Variants in RASGEF1A observed in about 807,000 individuals in gnomAD.
The protein encoded by RASGEF1A is ras-GEF domain-containing family member 1A.
In RASGEF1A, 18 loss-of-function variants were observed where a neutral mutation model predicts 56.4. The ratio of observed to expected loss-of-function variants is 0.32; its 90% CI spans 0.22 to 0.47. The LOEUF is 0.47. Among genes scored for constraint, RASGEF1A ranks in the 20% least tolerant of loss-of-function variants. RASGEF1A has a pLI of 1.00. For missense variants in RASGEF1A, 422 were observed against 627.1 expected (o/e 0.67, Z 3.49); for synonymous variants, 245 against 242.6 (o/e 1.01, Z -0.09).
intron 1 of RASGEF1A, among the ~76,000 whole-genome samples, chr10:43,230,578 G>C (rs545791935): frequency 2.6e-5 from 4 of 152,128 alleles, no homozygotes; most frequent in African/African-American, 9.6e-5. Flanking sequence ...CTCTGGGGGA[G>C]TCCGAGTTGG....
intron 1 of RASGEF1A, among the ~76,000 whole-genome samples, chr10:43,258,499 C>A (rs1836465803): frequency 6.6e-6 from 1 of 152,246 alleles, no homozygotes; most frequent in African/African-American, 2.4e-5. Flanking sequence ...CTGCGCTTGA[C>A]ACCAGAGGAC....
intron 1 of RASGEF1A, 53 bp from the exon 2 acceptor site, chr10:43,206,175 C>G: frequency 1.4e-6 from 2 of 1,434,920 alleles, no homozygotes; most frequent in Admixed American, 2.0e-5. Context: ...CACAGCTCCA[C>G]AGACCCTCCT....
At chr10:43,265,861 G>A (rs892941080) in intron 1 of RASGEF1A, among the ~76,000 whole-genome samples, 2 of 152,230 alleles carry the variant, frequency 1.3e-5, no homozygotes, top group African/African-American at 2.4e-5. Context: ...CAAGGCCTCT[G>A]GGAGGCTCCC....
intron 1 of RASGEF1A, 108 bp from the exon 2 acceptor site, chr10:43,206,230 G>T: frequency 2.1e-6 from 2 of 938,498 alleles, no homozygotes; most frequent in South Asian, 1.7e-5. Context: ...GGGGTGCGTG[G>T]CAGGGGCGCA....
chr10:43,220,609 C>A (rs575105200), intron 1 of RASGEF1A, among the ~76,000 whole-genome samples: 1 of 152,188 alleles, frequency 6.6e-6, no homozygotes, highest in South Asian at 2.1e-4. Context: ...CATGGTGAAA[C>A]CCCATCTCTA....
intron 1 of RASGEF1A, among the ~76,000 whole-genome samples, chr10:43,240,953 G>T (rs1840491280): frequency 6.6e-6 from 1 of 152,158 alleles, no homozygotes. Flanking sequence ...AAAGAAAAGA[G>T]GTGTCAACCA....
At chr10:43,230,727 G>GCCCATA (rs982297266) in intron 1 of RASGEF1A, among the ~76,000 whole-genome samples, 1 of 152,164 alleles carries the variant, frequency 6.6e-6, no homozygotes, top group African/African-American at 2.4e-5. Flanking sequence ...GCCCCAGGAT[G>GCCCATA]CCCATACCCT....
At chr10:43,263,150 C>T (rs1371807821) in intron 1 of RASGEF1A, among the ~76,000 whole-genome samples, 1 of 152,116 alleles carries the variant, frequency 6.6e-6, no homozygotes, top group Non-Finnish European at 1.5e-5. Context: ...GGAACAGATG[C>T]TGTGGCTGGG....
chr10:43,225,580 T>G (rs575904258), intron 1 of RASGEF1A, among the ~76,000 whole-genome samples: 8 of 148,560 alleles, frequency 5.4e-5, no homozygotes, highest in East Asian at 1.9e-4. Flanking sequence ...TGTATGGGTG[T>G]GTGTGTGTGT....
At position 43,258,952 on chromosome 10, in the gene RASGEF1A, T is replaced by C. The variant is rs1466258124; in HGVS notation, c.-7+7893A>G. ...TGCAGGCCCCAGACTCCCCGGCCAG[T>C]GCTCCCCACCCTGCACTGCCTTCAC... On this transcript the variant is annotated intron_variant, in intron 1 of 12. Transcript: ENST00000395810. 5.3e-5 allele frequency among the ~76,000 whole-genome samples: 8 copies of C among 152,338 alleles called. No individual in the cohort carries two copies. The East Asian group carries it at 1.5e-3, about 29-fold the overall frequency.
At chr10:43,220,776 C>T (rs1840196868) in intron 1 of RASGEF1A, among the ~76,000 whole-genome samples, 1 of 146,426 alleles carries the variant, frequency 6.8e-6, no homozygotes, top group African/African-American at 2.5e-5. Flanking sequence ...CAGAACAAGA[C>T]TCTGTCTTAA....
chr10:43,224,941 CAT>C (rs1164612122), intron 1 of RASGEF1A, among the ~76,000 whole-genome samples: 3 of 152,228 alleles, frequency 2.0e-5, no homozygotes, highest in East Asian at 3.8e-4. Flanking sequence ...CTCCCCTGGG[CAT>C]ATGTGTCTGC....
chr10:43,223,308 A>T (rs907645287), intron 1 of RASGEF1A, among the ~76,000 whole-genome samples: 1 of 152,244 alleles, frequency 6.6e-6, no homozygotes, highest in Non-Finnish European at 1.5e-5. Context: ...TGAGAGAATG[A>T]CATAAGCACA....
At chr10:43,207,590 G>A in intron 1 of RASGEF1A, 1 of 985,596 alleles carries the variant, frequency 1.0e-6, no homozygotes, top group Non-Finnish European at 1.2e-6. Context: ...GCCCCACGAT[G>A]ACGCTGGGTG....
At position 43,214,874 on chromosome 10, in the gene RASGEF1A, G is replaced by T. The variant is rs192444877; in HGVS notation, c.-6-8752C>A. Among the ~76,000 whole-genome samples, 98 of 152,308 alleles carry T rather than the reference G, an allele frequency of 6.4e-4. 1 individual carries two copies. The highest frequency in any genetic ancestry group is 3.4e-3 in the Middle Eastern group (1 of 294). On this transcript the variant is annotated intron_variant, in intron 1 of 12. Coordinates refer to ENST00000395810, the MANE Select transcript of RASGEF1A (RefSeq NM_145313.4). ...TCTCAATGCAATTCTCCCTCACCCA[G>T]GGAGACAGCCCGGAGAGGCCCGTTT...
At chr10:43,212,410 C>T (rs1361461107) in intron 1 of RASGEF1A, among the ~76,000 whole-genome samples, 1 of 152,216 alleles carries the variant, frequency 6.6e-6, no homozygotes, top group Non-Finnish European at 1.5e-5. Context: ...TCTGGTTTCT[C>T]AACCCCCTCT....
At chr10:43,236,786 T>A (rs1840436501) in intron 1 of RASGEF1A, among the ~76,000 whole-genome samples, 1 of 152,164 alleles carries the variant, frequency 6.6e-6, no homozygotes, top group African/African-American at 2.4e-5. Flanking sequence ...CGCCCCTCCC[T>A]CGGAGCCCTT....
At chr10:43,242,548 C>T (rs543745711) in intron 1 of RASGEF1A, among the ~76,000 whole-genome samples, 18 of 152,230 alleles carry the variant, frequency 1.2e-4, no homozygotes, top group African/African-American at 4.3e-4. Flanking sequence ...CTCCGTCTCC[C>T]TCTTTCTACC....
intron 1 of RASGEF1A, chr10:43,208,751 C>T (rs1840029107): frequency 5.1e-6 from 5 of 985,574 alleles, no homozygotes; most frequent in Non-Finnish European, 3.6e-6. Flanking sequence ...TGAGCCCCTA[C>T]CCCCGAAAGC....
Sources: allele counts gnomAD v4.1 joint callset (sites outside exome capture counted in the v4.1 genomes callset), GRCh38; gene constraint gnomAD v4.1.1; transcripts MANE v1.5; gene names NCBI Gene and HGNC (gene_info 2026-07-23, HGNC 2026-07-21).